Variants in TEAD1 observed in about 807,000 individuals in gnomAD.
The protein encoded by TEAD1 is transcriptional enhancer factor TEF-1.
Under a neutral mutation model 54.9 loss-of-function variants are expected in TEAD1, and 9 were observed. The ratio of observed to expected loss-of-function variants is 0.16; its 90% CI spans 0.10 to 0.29. The LOEUF is 0.29. TEAD1 is among the 10% of genes least tolerant of loss of function. The probability of loss-of-function intolerance (pLI) is 1.00; values close to 1 mark genes in which losing one functional copy is unlikely to be tolerated. For missense variants in TEAD1, 387 were observed against 535.9 expected (o/e 0.72, Z 2.74); for synonymous variants, 200 against 187.8 (o/e 1.07, Z -0.53).
At chr11:12,750,099 G>T (rs7930259) in intron 2 of TEAD1, among the ~76,000 whole-genome samples, 5 of 152,176 alleles carry the variant, frequency 3.3e-5, no homozygotes, top group Non-Finnish European at 7.3e-5. Flanking sequence ...TTTGTGAACC[G>T]GCAGTGTTGC....
chr11:12,864,935 T>A (rs749755792), intron 5 of TEAD1, 35 bp downstream of exon 5: 19 of 1,610,762 alleles, frequency 1.2e-5, no homozygotes, highest in Non-Finnish European at 1.4e-5. Context: ...TTGTGGTTGC[T>A]ATGCATCTCA....
intron 5 of TEAD1, among the ~76,000 whole-genome samples, chr11:12,872,255 T>C (rs10831914): frequency 0.6 from 91,372 of 152,024 alleles, 28,373 homozygotes; most frequent in East Asian, 0.96. Context: ...TCTGTGTTGC[T>C]CCGTGAAGCC....
At chr11:12,815,053 G>A (rs938673356) in intron 3 of TEAD1, among the ~76,000 whole-genome samples, 2 of 152,178 alleles carry the variant, frequency 1.3e-5, no homozygotes. Flanking sequence ...AGCCTCAGTT[G>A]AAAAGGGAAA....
At chr11:12,888,290 C>T (rs752463585) in intron 9 of TEAD1, among the ~76,000 whole-genome samples, 16 of 152,330 alleles carry the variant, frequency 1.1e-4, no homozygotes, top group Admixed American at 3.9e-4. Context: ...GGGTGGGTCA[C>T]TTGAGGCCAG....
intron 3 of TEAD1, among the ~76,000 whole-genome samples, chr11:12,806,588 G>C (rs996784120): frequency 6.6e-6 from 1 of 152,186 alleles, no homozygotes; most frequent in African/African-American, 2.4e-5. Context: ...TAGGGCCCAA[G>C]TTGGGCCCTC....
chr11:12,842,239 A>G (rs1472780023), intron 3 of TEAD1, among the ~76,000 whole-genome samples: 1 of 152,192 alleles, frequency 6.6e-6, no homozygotes, highest in Non-Finnish European at 1.5e-5. Context: ...CTCTGCAGCA[A>G]GATGGAGCTG....
intron 9 of TEAD1, 152 bp from the exon 10 acceptor site, chr11:12,901,788 A>G: frequency 5.8e-6 from 5 of 866,784 alleles, no homozygotes; most frequent in South Asian, 3.0e-5. Context: ...TCGCTTTTCT[A>G]AACATACTCA....
intron 5 of TEAD1, among the ~76,000 whole-genome samples, chr11:12,873,419 A>G (rs1947795093): frequency 6.6e-6 from 1 of 152,340 alleles, no homozygotes; most frequent in South Asian, 2.1e-4. Context: ...GTGAAGCCCC[A>G]CATCAGAGTT....
intron 2 of TEAD1, among the ~76,000 whole-genome samples, chr11:12,695,906 G>A (rs943767677): frequency 6.6e-6 from 1 of 152,102 alleles, no homozygotes; most frequent in Non-Finnish European, 1.5e-5. Flanking sequence ...CCATATTTTA[G>A]CCAGGTTCTG....
chr11:12,719,003 TA>T lies in TEAD1; in HGVS notation c.-55+43443del, dbSNP rs1214189945. 2.0e-3 allele frequency among the ~76,000 whole-genome samples: 304 copies of T among 151,214 alleles called. 5 individuals are homozygous for T. The highest frequency in any genetic ancestry group is 1.9e-3 in the East Asian group (10 of 5,162). On this transcript the variant is annotated intron_variant, in intron 2 of 12. Coordinates refer to ENST00000527636, the MANE Select transcript of TEAD1 (RefSeq NM_021961.6). ...CTTGAAAACTTTGGGGTTTTTTTTT[TA>T]GGGGGGGGAGTCCAAGGGTCTTCTG...
intron 2 of TEAD1, among the ~76,000 whole-genome samples, chr11:12,743,219 G>GGT (rs1944681291): frequency 6.6e-6 from 1 of 152,186 alleles, no homozygotes; most frequent in Non-Finnish European, 1.5e-5. Context: ...GAGAGGTAAA[G>GGT]GTAGAGATCA....
rs534635070 is a variant in TEAD1, at chr11:12,765,878, A to G, written c.202+1444A>G. 2.6e-5 allele frequency among the ~76,000 whole-genome samples: 4 copies of G among 152,218 alleles called. No homozygotes were observed. The South Asian group carries it at 8.3e-4, about 32-fold the overall frequency. On this transcript the variant is annotated intron_variant, in intron 3 of 12. Coordinates refer to ENST00000527636, the MANE Select transcript of TEAD1 (RefSeq NM_021961.6). Reference sequence around the variant, plus strand: ...TGTTTCAGGGCCCTAGATTTTCTCTATGTCTGGATCTTTCCTGGTCTCTTC... The same window carrying G: ...TGTTTCAGGGCCCTAGATTTTCTCTGTGTCTGGATCTTTCCTGGTCTCTTC...
At chr11:12,771,768 G>T (rs941640468) in intron 3 of TEAD1, among the ~76,000 whole-genome samples, 1 of 152,098 alleles carries the variant, frequency 6.6e-6, no homozygotes, top group Non-Finnish European at 1.5e-5. Flanking sequence ...GGCCTGTGAT[G>T]CCCAGGCTCA....
chr11:12,909,416 A>T (rs1173225330), intron 10 of TEAD1, among the ~76,000 whole-genome samples: 1 of 152,102 alleles, frequency 6.6e-6, no homozygotes, highest in Non-Finnish European at 1.5e-5. Context: ...TAGCAAACTA[A>T]CACAGGAACA....
chr11:12,875,131 C>G (rs989237619), intron 5 of TEAD1, among the ~76,000 whole-genome samples: 1 of 152,220 alleles, frequency 6.6e-6, no homozygotes, highest in Admixed American at 6.5e-5. Flanking sequence ...ATCCACATCT[C>G]AGAAATGTTG....
At chr11:12,773,459 T>C (rs1260039518) in intron 3 of TEAD1, among the ~76,000 whole-genome samples, 1 of 152,246 alleles carries the variant, frequency 6.6e-6, no homozygotes, top group African/African-American at 2.4e-5. Context: ...ATTTTCATTG[T>C]GATAGGTGTG....
At chr11:12,870,031 CA>C (rs1297297734) in intron 5 of TEAD1, among the ~76,000 whole-genome samples, 1 of 152,138 alleles carries the variant, frequency 6.6e-6, no homozygotes, top group African/African-American at 2.4e-5. Flanking sequence ...AGGCGCTCAT[CA>C]CGACACTCAG....
intron 2 of TEAD1, among the ~76,000 whole-genome samples, chr11:12,740,700 A>C (rs1416359791): frequency 6.6e-6 from 1 of 152,168 alleles, no homozygotes; most frequent in Non-Finnish European, 1.5e-5. Flanking sequence ...TCACTATCAC[A>C]AGAACAGCAT....
At chr11:12,814,376 G>GT (rs910434171) in intron 3 of TEAD1, among the ~76,000 whole-genome samples, 7 of 152,184 alleles carry the variant, frequency 4.6e-5, no homozygotes, top group African/African-American at 1.4e-4. Context: ...ACCAGAGTGT[G>GT]TGAGGGGCCT....
Sources: allele counts gnomAD v4.1 joint callset (sites outside exome capture counted in the v4.1 genomes callset), GRCh38; gene constraint gnomAD v4.1.1; transcripts MANE v1.5; gene names NCBI Gene and HGNC (gene_info 2026-07-23, HGNC 2026-07-21).